VPS45: variants seen among roughly 807,000 people sequenced by gnomAD.
VPS45 encodes vacuolar protein sorting 45 homolog.
In VPS45, 35 loss-of-function variants were observed where a neutral mutation model predicts 75.9. The observed-to-expected ratio is 0.46, with a 90% CI of 0.35 to 0.61. The LOEUF (loss-of-function observed/expected upper bound fraction) is 0.61. Among genes scored for constraint, VPS45 ranks in the 20% least tolerant of loss-of-function variants. The pLI is 0.00. For synonymous variants in VPS45, 220 were observed against 238.2 expected (o/e 0.92, Z 0.70); for missense variants, 559 against 685.9 (o/e 0.81, Z 2.07).
intron 14 of VPS45, among the ~76,000 whole-genome samples, chr1:150,119,898 C>G (rs1192189298): frequency 6.6e-6 from 1 of 152,068 alleles, no homozygotes; most frequent in African/African-American, 2.4e-5. Flanking sequence ...CACCTGAGGT[C>G]GGGAGTTCGA....
intron 3 of VPS45, among the ~76,000 whole-genome samples, chr1:150,075,311 T>C (rs947297013): frequency 1.3e-5 from 2 of 152,152 alleles, no homozygotes; most frequent in South Asian, 4.1e-4. Context: ...TTCCACAGAC[T>C]GGATCTTGCT....
At chr1:150,098,772 C>A in intron 13 of VPS45, 1 of 896,206 alleles carries the variant, frequency 1.1e-6, no homozygotes, top group Non-Finnish European at 1.5e-6. Context: ...GCTATATCCA[C>A]AAATTGGATT....
At chr1:150,133,276 G>A (rs945095391) in intron 14 of VPS45, among the ~76,000 whole-genome samples, 4 of 152,280 alleles carry the variant, frequency 2.6e-5, no homozygotes, top group East Asian at 1.9e-4. Flanking sequence ...AAGGCCAGGC[G>A]TGGTGGCTCA....
intron 2 of VPS45, among the ~76,000 whole-genome samples, chr1:150,070,034 C>A (rs757215511): frequency 6.6e-6 from 1 of 152,140 alleles, no homozygotes; most frequent in African/African-American, 2.4e-5. Flanking sequence ...CCGCTATATT[C>A]CCCTTGTCCC....
chr1:150,128,742 CT>C (rs1428810427), intron 14 of VPS45, among the ~76,000 whole-genome samples: 2 of 148,440 alleles, frequency 1.3e-5, no homozygotes, highest in Non-Finnish European at 1.5e-5. Context: ...GATTTTCTTT[CT>C]TTTTTTTTTT....
chr1:150,127,990 T>C (rs1341193248), intron 14 of VPS45, among the ~76,000 whole-genome samples: 3 of 152,166 alleles, frequency 2.0e-5, no homozygotes, highest in Non-Finnish European at 4.4e-5. Context: ...TAAGAGACAG[T>C]GTTGCTCTTT....
intron 14 of VPS45, among the ~76,000 whole-genome samples, chr1:150,112,784 G>T (rs1553807407): frequency 6.6e-6 from 1 of 152,140 alleles, no homozygotes; most frequent in Non-Finnish European, 1.5e-5. Flanking sequence ...GGGTTCCCAT[G>T]ACCCCTTCCT....
chr1:150,074,005 GTGT>G (rs1306127422), intron 3 of VPS45, among the ~76,000 whole-genome samples: 24 of 141,028 alleles, frequency 1.7e-4, no homozygotes, highest in Non-Finnish European at 2.2e-4. Flanking sequence ...GTGTGTGTGT[GTGT>G]TGTTTTTGTT....
At chr1:150,128,887 G>T (rs183145945) in intron 14 of VPS45, among the ~76,000 whole-genome samples, 2 of 152,118 alleles carry the variant, frequency 1.3e-5, no homozygotes, top group African/African-American at 4.8e-5. Context: ...CTACAAGTGC[G>T]TGCCACCACG....
Position 150,082,061 on chromosome 1 carries a change from A to G in VPS45, c.936+64A>G, listed in dbSNP as rs1655744029. On this transcript the variant is annotated intron_variant, in intron 9 of 14. Transcript: ENST00000644510. ...GTTTGGTACTATTCATGTAAGCAAC[A>G]CTTTTGGAATCTTCTGGGTCTAATT... 5 of 1,039,928 alleles carry G rather than the reference A, an allele frequency of 4.8e-6. No homozygotes were observed. The African/African-American group carries it at 6.4e-5, about 13-fold the overall frequency. The allele number at this position is 1,039,928 out of a possible 1,614,324, so 64.4% of individuals were successfully genotyped here.
chr1:150,127,370 G>A (rs1427986476), intron 14 of VPS45, among the ~76,000 whole-genome samples: 1 of 150,784 alleles, frequency 6.6e-6, no homozygotes, highest in Non-Finnish European at 1.5e-5. Context: ...AGGCTGGAGT[G>A]CAGTGGCACA....
chr1:150,079,893 T>C (rs1655602652), intron 7 of VPS45, among the ~76,000 whole-genome samples: 1 of 152,140 alleles, frequency 6.6e-6, no homozygotes, highest in Non-Finnish European at 1.5e-5. Flanking sequence ...TATCAAAAAG[T>C]AGAAAGAAAA....
Position 150,072,102 on chromosome 1 carries a change from G to C in VPS45, c.229-64G>C, listed in dbSNP as rs587598651. On this transcript the variant is annotated intron_variant, in intron 2 of 14. Coordinates refer to ENST00000644510, the MANE Select transcript of VPS45 (RefSeq NM_007259.5). Reference sequence around the variant, plus strand: ...TAAATAAACAAATCAATGGGTGAATGCTTATTACTTTTTTCCTTAAGCAAC... The same window carrying C: ...TAAATAAACAAATCAATGGGTGAATCCTTATTACTTTTTTCCTTAAGCAAC... 2.4e-5 allele frequency: 34 copies of C among 1,409,366 alleles called. No homozygotes were observed. The South Asian group carries it at 4.1e-4, about 17-fold the overall frequency. 87.3% of individuals were successfully genotyped at this position (1,409,366 alleles called of 1,614,324 possible).
chr1:150,145,129 A>G lies in VPS45; in HGVS notation c.*333A>G. The G allele has an allele frequency of 1.9e-6, 1 of 527,030 alleles. No individual in the cohort carries two copies. The highest frequency in any genetic ancestry group is 3.0e-5 in the East Asian group (1 of 33,722). 32.6% of individuals were successfully genotyped at this position (527,030 alleles called of 1,614,324 possible). Reference sequence around the variant, plus strand: ...CTTAAAAAGTAATCATTTGATGTACATACCACACTCCTTGGCTTCCTTTCT... The same window carrying G: ...CTTAAAAAGTAATCATTTGATGTACGTACCACACTCCTTGGCTTCCTTTCT... On this transcript the variant is annotated 3_prime_UTR_variant, in exon 15 of 15. Transcript: ENST00000644510.
chr1:150,101,937 T>C (rs1376042643), intron 13 of VPS45, among the ~76,000 whole-genome samples: 3 of 151,922 alleles, frequency 2.0e-5, no homozygotes, highest in African/African-American at 7.3e-5. Context: ...TAACTCATTC[T>C]ACCATAAAAA....
chr1:150,124,162 T>C (rs976619463), intron 14 of VPS45, among the ~76,000 whole-genome samples: 2 of 152,130 alleles, frequency 1.3e-5, no homozygotes, highest in Non-Finnish European at 2.9e-5. Context: ...TTCATGCTCA[T>C]TGTTAAAAGG....
intron 14 of VPS45, among the ~76,000 whole-genome samples, chr1:150,127,390 C>T (rs1465470298): frequency 1.3e-5 from 2 of 151,176 alleles, no homozygotes; most frequent in Non-Finnish European, 2.9e-5. Context: ...ACACACAGCT[C>T]ACTGTGACAT....
chr1:150,124,552 C>CCT (rs1553810298), intron 14 of VPS45, among the ~76,000 whole-genome samples: 1 of 140,218 alleles, frequency 7.1e-6, no homozygotes, highest in African/African-American at 2.6e-5. Context: ...TTTCTTTTTT[C>CCT]TTTTTTTTTT....
At chr1:150,088,069 G>A (rs1050328189) in intron 10 of VPS45, among the ~76,000 whole-genome samples, 25 of 152,142 alleles carry the variant, frequency 1.6e-4, no homozygotes, top group Middle Eastern at 3.4e-3. Flanking sequence ...ATTTCTTTGC[G>A]ATAAGAACAT....
Sources: allele counts gnomAD v4.1 joint callset (sites outside exome capture counted in the v4.1 genomes callset), GRCh38; gene constraint gnomAD v4.1.1; transcripts MANE v1.5; gene names NCBI Gene and HGNC (gene_info 2026-07-23, HGNC 2026-07-21).